SASH1: variants seen among roughly 807,000 people sequenced by gnomAD.
The protein encoded by SASH1 is SAM and SH3 domain-containing protein 1.
SASH1 carries 44 observed loss-of-function variants against 125.2 expected under a neutral mutation model. That is an observed-to-expected ratio of 0.35 (90% confidence interval 0.28 to 0.45). The LOEUF (loss-of-function observed/expected upper bound fraction) is 0.45. Ranked by LOEUF, SASH1 falls within the 20% of genes least tolerant of loss-of-function variation. The probability of loss-of-function intolerance (pLI) is 1.00; values close to 1 mark genes in which losing one functional copy is unlikely to be tolerated. For missense variants in SASH1, 1,426 were observed against 1,614.5 expected, an observed-to-expected ratio of 0.88 and a Z score of 2.00; for synonymous variants, 639 against 649.1, an observed-to-expected ratio of 0.98 and a Z score of 0.24.
At chr6:148,341,029 G>A (rs537696956), upstream of SASH1, among the ~76,000 whole-genome samples, 1 of 152,230 alleles carries the variant, frequency 6.6e-6, no homozygotes, top group East Asian at 1.9e-4. Flanking sequence ...CTGCTACTCA[G>A]GTGGTTGAGG....
chr6:148,360,085 A>T (rs1443306496), intron 1 of SASH1, among the ~76,000 whole-genome samples: 1 of 151,892 alleles, frequency 6.6e-6, no homozygotes, highest in East Asian at 1.9e-4. Flanking sequence ...TTTACAAACC[A>T]AAGGAACCAG....
intron 8 of SASH1, among the ~76,000 whole-genome samples, chr6:148,501,530 G>A (rs1181968268): frequency 6.6e-6 from 1 of 152,098 alleles, no homozygotes; most frequent in Non-Finnish European, 1.5e-5. Context: ...GATTTGCTCT[G>A]GATAACACTA....
At chr6:148,494,760 T>G (rs1779248592) in intron 8 of SASH1, among the ~76,000 whole-genome samples, 1 of 152,242 alleles carries the variant, frequency 6.6e-6, no homozygotes, top group African/African-American at 2.4e-5. Flanking sequence ...TTTTTGTCAC[T>G]AATTTGGTTT....
the SASH1 span, among the ~76,000 whole-genome samples, chr6:148,245,262 A>G: frequency 6.6e-6 from 1 of 152,228 alleles, no homozygotes; most frequent in Non-Finnish European, 1.5e-5. Context: ...GGTTCTATCA[A>G]GGAAGAGCAG....
At chr6:148,499,096 C>T (rs1779453803) in intron 8 of SASH1, among the ~76,000 whole-genome samples, 1 of 138,880 alleles carries the variant, frequency 7.2e-6, no homozygotes, top group Non-Finnish European at 1.5e-5. Flanking sequence ...CTCACTCTGT[C>T]GCCCAAGCTG....
chr6:148,363,935 T>G (rs1037147824), intron 1 of SASH1, among the ~76,000 whole-genome samples: 2 of 152,184 alleles, frequency 1.3e-5, no homozygotes, highest in Admixed American at 1.3e-4. Context: ...TTAATTAAAC[T>G]CTAATGGGAC....
At chr6:148,362,670 G>A (rs960511067) in intron 1 of SASH1, among the ~76,000 whole-genome samples, 18 of 151,736 alleles carry the variant, frequency 1.2e-4, no homozygotes, top group African/African-American at 4.1e-4. Flanking sequence ...GTAACATAGT[G>A]AGACCCCTTC....
Position 148,533,613 on chromosome 6 carries a change from A to G in SASH1, c.1735-158A>G, listed in dbSNP as rs1478185339. On this transcript the variant is annotated intron_variant, in intron 14 of 19. Coordinates refer to ENST00000367467, the MANE Select transcript of SASH1 (RefSeq NM_015278.5). This position sits in a 1 kb window ranked among gnomAD's most constrained non-coding sequence, Gnocchi z 6.2. ...TCTGGCCTCTGCGGAGCTCACAGTC[A>G]CATCCTATGCAGGTCACTCAGAGGG... 5.3e-5 allele frequency among the ~76,000 whole-genome samples: 8 copies of G among 152,180 alleles called. No individual in the cohort carries two copies. Among genetic ancestry groups the G allele is most frequent in the Non-Finnish European group, 1.2e-4 (8 of 68,016 alleles).
At chr6:148,215,920 C>T in the SASH1 span, among the ~76,000 whole-genome samples, 6 of 152,156 alleles carry the variant, frequency 3.9e-5, no homozygotes, top group South Asian at 2.1e-4. Context: ...TGCAATGGTG[C>T]GATCTTGGTT....
chr6:148,337,871 T>C (rs1311526922), upstream of SASH1, among the ~76,000 whole-genome samples: 1 of 152,218 alleles, frequency 6.6e-6, no homozygotes, highest in Non-Finnish European at 1.5e-5. Flanking sequence ...ATGTTTATTA[T>C]GAGCCACAGA....
At chr6:148,359,982 T>G (rs1562349628) in intron 1 of SASH1, among the ~76,000 whole-genome samples, 1 of 152,132 alleles carries the variant, frequency 6.6e-6, no homozygotes, top group Non-Finnish European at 1.5e-5. Flanking sequence ...ATGGTCTTGA[T>G]CTCCTGACCT....
chr6:148,237,605 T>G, the SASH1 span: 1 of 152,274 alleles, frequency 6.6e-6, no homozygotes, highest in East Asian at 1.9e-4. Flanking sequence ...ATTCCCACAT[T>G]CATCAGGGAG....
At chr6:148,334,541 G>C (rs1450136330) in intron 1 of SASH1, among the ~76,000 whole-genome samples, 1 of 151,934 alleles carries the variant, frequency 6.6e-6, no homozygotes, top group African/African-American at 2.4e-5. Flanking sequence ...GCCGGGTGCA[G>C]TGGCTCACAC....
the SASH1 span, among the ~76,000 whole-genome samples, chr6:148,217,571 T>C: frequency 2.7e-3 from 417 of 152,120 alleles, 2 homozygotes; most frequent in Non-Finnish European, 4.0e-3. Context: ...CAAACGCAGG[T>C]CCTCCTAATC....
At chr6:148,333,690 T>G (rs1781062227) in intron 1 of SASH1, among the ~76,000 whole-genome samples, 1 of 151,886 alleles carries the variant, frequency 6.6e-6, no homozygotes, top group African/African-American at 2.4e-5. Flanking sequence ...GCCTCCTGAG[T>G]AGCTGGGATT....
At chr6:148,398,072 A>G (rs1784029364) in intron 2 of SASH1, among the ~76,000 whole-genome samples, 1 of 152,118 alleles carries the variant, frequency 6.6e-6, no homozygotes, top group Admixed American at 6.5e-5. Flanking sequence ...CTTCAGGGAG[A>G]CGTCACAGTT....
intron 12 of SASH1, among the ~76,000 whole-genome samples, chr6:148,528,992 A>G (rs1386396071): frequency 6.6e-6 from 1 of 152,012 alleles, no homozygotes; most frequent in Non-Finnish European, 1.5e-5. Flanking sequence ...ACAGCGTGCA[A>G]CCTAGATGCC....
intron 4 of SASH1, among the ~76,000 whole-genome samples, chr6:148,454,578 T>C (rs1777250898): frequency 6.6e-6 from 1 of 152,146 alleles, no homozygotes. Context: ...TGCGAAACCA[T>C]AGGAGCACAG....
At chr6:148,462,816 A>C (rs1777678113) in intron 4 of SASH1, among the ~76,000 whole-genome samples, 2 of 152,256 alleles carry the variant, frequency 1.3e-5, no homozygotes, top group South Asian at 4.1e-4. Flanking sequence ...AATGAGGAGG[A>C]GTCTGGGGAA....
Sources: allele counts gnomAD v4.1 joint callset (sites outside exome capture counted in the v4.1 genomes callset), GRCh38; gene constraint gnomAD v4.1.1; non-coding constraint Gnocchi (gnomAD v3.1); transcripts MANE v1.5; gene names NCBI Gene and HGNC (gene_info 2026-07-23, HGNC 2026-07-21).